Variants in ANXA7 observed in about 807,000 individuals in gnomAD.
The protein encoded by ANXA7 is annexin VII.
Under a neutral mutation model 64.9 loss-of-function variants are expected in ANXA7, and 55 were observed. The observed-to-expected ratio is 0.85, with a 90% CI of 0.68 to 1.06. ANXA7 has a LOEUF of 1.06. ANXA7 is among the 50% of genes least tolerant of loss of function. ANXA7 has a pLI of 0.00. For synonymous variants in ANXA7, 200 were observed against 192.4 expected (o/e 1.04, Z -0.33); for missense variants, 548 against 582.1 (o/e 0.94, Z 0.60).
intron 5 of ANXA7, among the ~76,000 whole-genome samples, chr10:73,395,664 T>TAATC: frequency 6.6e-6 from 1 of 151,892 alleles, no homozygotes; most frequent in East Asian, 1.9e-4. Context: ...CGTGCGCCTG[T>TAATC]AATCCCAGTT....
intron 5 of ANXA7, among the ~76,000 whole-genome samples, chr10:73,389,376 GA>G (rs1475632600): frequency 6.6e-6 from 1 of 152,158 alleles, no homozygotes; most frequent in Non-Finnish European, 1.5e-5. Context: ...TCCTGAACCA[GA>G]AAAAGGACAT....
intron 1 of ANXA7, among the ~76,000 whole-genome samples, chr10:73,410,916 A>G (rs187510759): frequency 1.1e-3 from 160 of 152,312 alleles, no homozygotes; most frequent in Admixed American, 2.2e-3. Flanking sequence ...AAAAAGATCT[A>G]CCATTCAATC....
At chr10:73,384,727 A>T (rs1173014376) in intron 7 of ANXA7, among the ~76,000 whole-genome samples, 62 of 152,122 alleles carry the variant, frequency 4.1e-4, no homozygotes, top group Non-Finnish European at 3.1e-4. Context: ...GGAAAGATAC[A>T]CATCTAAAAA....
At chr10:73,392,123 A>G (rs1005682754) in intron 5 of ANXA7, among the ~76,000 whole-genome samples, 3 of 152,220 alleles carry the variant, frequency 2.0e-5, no homozygotes, top group African/African-American at 7.2e-5. Context: ...ATTCCTGGAC[A>G]CATACACCCT....
intron 2 of ANXA7, among the ~76,000 whole-genome samples, chr10:73,400,433 T>G (rs1157260452): frequency 6.6e-6 from 1 of 152,208 alleles, no homozygotes; most frequent in Admixed American, 6.5e-5. Flanking sequence ...GGATTTTGCT[T>G]ACATCCATGT....
Position 73,387,699 on chromosome 10 carries a change from G to A in ANXA7, c.623C>T (p.Ser208Phe), listed in dbSNP as rs780347653. The change falls in exon 7 of 13, where the codon TCC (serine) becomes TTC (phenylalanine). Residue 208 changes from serine to phenylalanine, a missense_variant. Transcript: ENST00000372921. ...RQKIKAAFKT[S>F]YGKDLIKDLK... ...GAAAGAAAAACATACCTTGCCATAG[G>A]AGGTCTTAAATGCTGCTTTAATTTT... 9.3e-6 allele frequency: 15 copies of A among 1,613,598 alleles called. No individual in the cohort carries two copies. Among genetic ancestry groups the A allele is most frequent in the Non-Finnish European group, 1.2e-5 (14 of 1,179,682 alleles).
At chr10:73,393,169 A>C (rs1041748660) in intron 5 of ANXA7, among the ~76,000 whole-genome samples, 9 of 152,210 alleles carry the variant, frequency 5.9e-5, no homozygotes, top group Non-Finnish European at 8.8e-5. Context: ...CTCTTCAAGG[A>C]GAATTACAAA....
chr10:73,378,114 C>T (rs2055214086), intron 12 of ANXA7, among the ~76,000 whole-genome samples: 1 of 151,790 alleles, frequency 6.6e-6, no homozygotes, highest in African/African-American at 2.4e-5. Context: ...GTGGCTCACG[C>T]CTGTGATCCC....
rs565615782 is a variant in ANXA7 at position 73,398,411 on chromosome 10, C to T, written c.55-26G>A. 7.0e-6 allele frequency: 11 copies of T among 1,580,076 alleles called. No homozygotes were observed. The East Asian group carries it at 2.3e-4, about 32-fold the overall frequency. ...CTGAAAAATCAGAATAATTTTTAAA[C>T]AAATACGATCATAGAGAAATATGAC... On this transcript the variant is annotated intron_variant, in intron 2 of 12. Coordinates refer to ENST00000372921, the MANE Select transcript of ANXA7 (RefSeq NM_001156.5).
At chr10:73,393,347 G>GC (rs2055515994) in intron 5 of ANXA7, among the ~76,000 whole-genome samples, 3 of 152,000 alleles carry the variant, frequency 2.0e-5, no homozygotes, top group Non-Finnish European at 4.4e-5. Flanking sequence ...TCACAGAATT[G>GC]GAAAAAACTA....
chr10:73,383,428 C>G lies in ANXA7; in HGVS notation c.748-83G>C, dbSNP rs539068231. 17 of 1,398,002 alleles carry G rather than the reference C, an allele frequency of 1.2e-5. No individual in the cohort carries two copies. The Admixed American group carries it at 3.9e-4, about 32-fold the overall frequency. 86.6% of individuals were successfully genotyped at this position (1,398,002 alleles called of 1,614,324 possible). A position where few individuals can be genotyped will look rare whatever the true frequency, so the allele number is the denominator to read the frequency against. ...AATCTTCGTCAAATATTTCTTTGTT[C>G]TGTAGAACTAAAAACTATATATTCA... On this transcript the variant is annotated intron_variant, in intron 8 of 12. Transcript: ENST00000372921.
At chr10:73,400,898 T>C (rs1244694378) in intron 1 of ANXA7, 41 bp from the exon 2 acceptor site, 2 of 1,433,104 alleles carry the variant, frequency 1.4e-6, no homozygotes, top group East Asian at 5.0e-5. Flanking sequence ...AGTTTTTTGT[T>C]GTTTTGTTTT....
At chr10:73,405,259 C>T (rs1035211799) in intron 1 of ANXA7, among the ~76,000 whole-genome samples, 9 of 141,376 alleles carry the variant, frequency 6.4e-5, no homozygotes, top group African/African-American at 2.1e-4. Context: ...AAAAAAAAGG[C>T]TGGGTGCAGT....
intron 5 of ANXA7, among the ~76,000 whole-genome samples, 161 bp downstream of exon 5, chr10:73,396,358 C>T (rs925332941): frequency 6.6e-6 from 1 of 152,166 alleles, no homozygotes; most frequent in Non-Finnish European, 1.5e-5. Context: ...ACTATTAAAG[C>T]AGATGGACCA....
At chr10:73,401,703 T>C (rs562756617) in intron 1 of ANXA7, among the ~76,000 whole-genome samples, 6 of 152,210 alleles carry the variant, frequency 3.9e-5, no homozygotes, top group Admixed American at 3.9e-4. Context: ...GGTTTCACCA[T>C]GTTGGCCAGG....
chr10:73,397,605 G>A (rs2055596797), intron 3 of ANXA7, among the ~76,000 whole-genome samples: 1 of 152,090 alleles, frequency 6.6e-6, no homozygotes, highest in Admixed American at 6.6e-5. Context: ...TTACAGGCAT[G>A]CACCACCACA....
intron 1 of ANXA7, among the ~76,000 whole-genome samples, chr10:73,402,941 C>A (rs984001669): frequency 1.3e-5 from 2 of 152,022 alleles, no homozygotes; most frequent in Non-Finnish European, 2.9e-5. Flanking sequence ...TCTCCTGCCT[C>A]AGCCTCCCAA....
intron 1 of ANXA7, among the ~76,000 whole-genome samples, chr10:73,412,314 C>T (rs1286975390): frequency 6.6e-6 from 1 of 151,456 alleles, no homozygotes; most frequent in African/African-American, 2.4e-5. Context: ...GGATTACAGG[C>T]GACAGCCACT....
chr10:73,407,356 C>T (rs889895064), intron 1 of ANXA7, among the ~76,000 whole-genome samples: 21 of 152,142 alleles, frequency 1.4e-4, no homozygotes, highest in African/African-American at 3.4e-4. Flanking sequence ...GGATTACAGG[C>T]GTGAGCCACT....
Sources: gnomAD v4.1 joint callset for allele counts (sites outside exome capture counted in the v4.1 genomes callset) on GRCh38, gnomAD v4.1.1 for gene constraint, MANE v1.5 for transcripts, NCBI Gene and HGNC (gene_info 2026-07-23, HGNC 2026-07-21) for gene names.